The following CS variants were observed in gnomAD, a reference collection of about 807,000 sequenced individuals.
CS encodes citrate synthase, also known as citrate synthase, mitochondrial.
CS carries 13 observed loss-of-function variants against 61.4 expected under a neutral mutation model. That is an observed-to-expected ratio of 0.21 (90% confidence interval 0.14 to 0.34). The LOEUF is 0.34. Among genes scored for constraint, CS ranks in the 10% least tolerant of loss-of-function variants. CS has a pLI of 1.00. For synonymous variants in CS, 159 were observed against 215.2 expected (o/e 0.74, Z 2.29); for missense variants, 278 against 573.4 (o/e 0.48, Z 5.26).
At chr12:56,280,611 G>C (rs972079924) in intron 6 of CS, among the ~76,000 whole-genome samples, 1 of 151,790 alleles carries the variant, frequency 6.6e-6, no homozygotes, top group South Asian at 2.1e-4. Flanking sequence ...TGGGTGATTA[G>C]AGAGAGACCT....
chr12:56,277,574 G>A (rs1324828649), intron 6 of CS, among the ~76,000 whole-genome samples: 2 of 150,902 alleles, frequency 1.3e-5, no homozygotes, highest in African/African-American at 2.4e-5. Flanking sequence ...TTCACTGTAT[G>A]TGCCAAGGAT....
At chr12:56,282,375 T>C (rs1363942204) in intron 6 of CS, 45 bp downstream of exon 6, 2 of 1,456,980 alleles carry the variant, frequency 1.4e-6, no homozygotes, top group Non-Finnish European at 1.8e-6. Flanking sequence ...ACTCAAGTCC[T>C]TTGAATCCCC....
chr12:56,288,587 C>T (rs1274493), intron 1 of CS, among the ~76,000 whole-genome samples: 121,822 of 151,818 alleles, frequency 0.8, 52,212 homozygotes, highest in South Asian at 0.98. Flanking sequence ...ACGCCTACCT[C>T]GGCCTCCCAG....
chr12:56,292,080 C>T (rs1270372741), intron 1 of CS, among the ~76,000 whole-genome samples: 1 of 152,172 alleles, frequency 6.6e-6, no homozygotes, highest in African/African-American at 2.4e-5. Flanking sequence ...CTTTGTTCTC[C>T]TCTGCCTTTG....
intron 1 of CS, among the ~76,000 whole-genome samples, chr12:56,297,414 T>C (rs899322154): frequency 1.3e-5 from 2 of 152,248 alleles, no homozygotes; most frequent in African/African-American, 4.8e-5. Flanking sequence ...TTTTAAATTA[T>C]GTGACATTTA....
At chr12:56,274,320 T>TG (rs1872578923) in intron 9 of CS, 1 of 123,908 alleles carries the variant, frequency 8.1e-6, no homozygotes, top group East Asian at 2.3e-4. Flanking sequence ...AGACTGTCTT[T>TG]AAAAAAAAAA....
At chr12:56,274,917 A>C in intron 8 of CS, 39 bp from the exon 9 acceptor site, 2 of 1,607,076 alleles carry the variant, frequency 1.2e-6, no homozygotes, top group South Asian at 1.1e-5. Context: ...ATGTTAATAC[A>C]TATGCCAGAA....
chr12:56,277,646 T>C, intron 6 of CS, among the ~76,000 whole-genome samples: 1 of 149,620 alleles, frequency 6.7e-6, no homozygotes, highest in Non-Finnish European at 1.5e-5. Context: ...TTTTTTTTTT[T>C]TTGAGATGGA....
In CS at chr12:56,300,275, G is replaced by A. The variant is rs934992625; in HGVS notation, c.-74C>T. The A allele has an allele frequency of 1.3e-5, 19 of 1,461,176 alleles. No individual in the cohort carries two copies. Among genetic ancestry groups the A allele is most frequent in the Admixed American group, 6.5e-5 (3 of 46,156 alleles). The allele number at this position is 1,461,176 out of a possible 1,614,324, so 90.5% of individuals were successfully genotyped here. ...TGCGGCAGGAACAGGAGCCGCCGCC[G>A]CTGCACCAGAGGCCGCGCCGACGGG... is the stretch of plus-strand genomic sequence containing the variant. On this transcript the variant is annotated 5_prime_UTR_variant, in exon 1 of 11. Coordinates refer to ENST00000351328, the MANE Select transcript of CS (RefSeq NM_004077.3).
chr12:56,281,950 C>T (rs1397463692), intron 6 of CS, among the ~76,000 whole-genome samples: 2 of 152,130 alleles, frequency 1.3e-5, no homozygotes, highest in Admixed American at 6.5e-5. Context: ...CCTCCACCTC[C>T]CAGGTTCAAG....
intron 2 of CS, 182 bp downstream of exon 2, chr12:56,286,413 T>C (rs778741767): frequency 5.9e-5 from 34 of 573,498 alleles, no homozygotes; most frequent in Non-Finnish European, 8.6e-5. Flanking sequence ...ACTATACCAC[T>C]GAGTAAATTA....
At chr12:56,273,834 G>A (rs1400049231) in intron 9 of CS, 38 bp from the exon 10 acceptor site, 14 of 1,542,572 alleles carry the variant, frequency 9.1e-6, no homozygotes, top group Non-Finnish European at 1.3e-5. Context: ...ATTCTCAGTA[G>A]AAATTCTTTT....
intron 7 of CS, chr12:56,275,588 A>AC (rs1156683632): frequency 4.9e-6 from 1 of 204,198 alleles, no homozygotes; most frequent in East Asian, 1.4e-4. Context: ...AAAAAAAAAA[A>AC]AGCATCCTAA....
intron 4 of CS, among the ~76,000 whole-genome samples, chr12:56,283,312 C>G (rs569034086): frequency 6.6e-6 from 1 of 152,100 alleles, no homozygotes. Context: ...GGTGCGATCT[C>G]GGCTCACTGC....
intron 1 of CS, among the ~76,000 whole-genome samples, chr12:56,295,381 C>T (rs1300498089): frequency 2.6e-5 from 4 of 151,110 alleles, no homozygotes; most frequent in African/African-American, 9.7e-5. Flanking sequence ...ATTAGCCCGG[C>T]GTGGTGGCAT....
intron 4 of CS, 147 bp from the exon 5 acceptor site, chr12:56,283,138 C>G: frequency 1.1e-6 from 1 of 903,752 alleles, no homozygotes; most frequent in Non-Finnish European, 1.7e-6. Flanking sequence ...TGCTATGTTG[C>G]TCAGACTGGT....
intron 9 of CS, 126 bp from the exon 10 acceptor site, chr12:56,273,922 C>T: frequency 1.3e-6 from 1 of 767,490 alleles, no homozygotes. Flanking sequence ...CAGCCTCGAC[C>T]TCCCAGGCTC....
intron 1 of CS, chr12:56,298,683 A>T: frequency 1.0e-6 from 1 of 985,418 alleles, no homozygotes; most frequent in Non-Finnish European, 1.2e-6. Flanking sequence ...AGTACTTGCC[A>T]CTGGGTGCCT....
intron 6 of CS, among the ~76,000 whole-genome samples, chr12:56,278,480 T>C (rs1386063632): frequency 1.3e-5 from 2 of 152,098 alleles, no homozygotes; most frequent in African/African-American, 4.8e-5. Context: ...GGCTCACACC[T>C]GTAATCCCAG....
Sources: allele counts gnomAD v4.1 joint callset (sites outside exome capture counted in the v4.1 genomes callset), GRCh38; gene constraint gnomAD v4.1.1; transcripts MANE v1.5; gene names NCBI Gene and HGNC (gene_info 2026-07-23, HGNC 2026-07-21).